Variants in AFF1 observed in about 807,000 individuals in gnomAD.
AFF1 encodes AF4/FMR2 family member 1.
In AFF1, 48 loss-of-function variants were observed where a neutral mutation model predicts 121.7. The ratio of observed to expected loss-of-function variants is 0.39; its 90% CI spans 0.31 to 0.50. The LOEUF (loss-of-function observed/expected upper bound fraction) is 0.50, where lower values mean the gene tolerates loss of function less well. AFF1 is among the 20% of genes least tolerant of loss of function. AFF1 has a pLI of 0.76. For synonymous variants in AFF1, 613 were observed against 563.0 expected, an observed-to-expected ratio of 1.09 and a Z score of -1.26; for missense variants, 1,523 against 1,511.7, an observed-to-expected ratio of 1.01 and a Z score of -0.12.
chr4:87,016,041 C>A (rs1053975946), intron 2 of AFF1, among the ~76,000 whole-genome samples: 1 of 152,072 alleles, frequency 6.6e-6, no homozygotes, highest in Non-Finnish European at 1.5e-5. Context: ...ATTAGCTGGG[C>A]GTAGTGGCAG....
At chr4:86,993,418 A>T (rs1246701721) in intron 2 of AFF1, among the ~76,000 whole-genome samples, 1 of 152,124 alleles carries the variant, frequency 6.6e-6, no homozygotes, top group Non-Finnish European at 1.5e-5. Flanking sequence ...CCTATCTTCC[A>T]GTTCTTAAAT....
At chr4:87,004,683 G>A (rs1725961029) in intron 2 of AFF1, among the ~76,000 whole-genome samples, 1 of 152,144 alleles carries the variant, frequency 6.6e-6, no homozygotes, top group African/African-American at 2.4e-5. Context: ...TACTCAAAAA[G>A]TTTTGGATTT....
intron 2 of AFF1, among the ~76,000 whole-genome samples, chr4:86,988,413 A>T (rs1011088662): frequency 2.4e-4 from 36 of 152,172 alleles, no homozygotes; most frequent in African/African-American, 8.4e-4. Context: ...TTGAGTAAAA[A>T]CATGCGATAT....
Position 87,114,821 on chromosome 4 carries a change from G to A in AFF1, c.1988G>A (p.Ser663Asn). The A allele has an allele frequency of 6.2e-7, 1 of 1,613,778 alleles. No homozygotes were observed. Among genetic ancestry groups the A allele is most frequent in the Non-Finnish European group, 8.5e-7 (1 of 1,179,864 alleles). The change falls in exon 12 of 21, where the codon AGC (serine) becomes AAC (asparagine). Residue 663 changes from serine to asparagine, a missense_variant. Ser to Asn is a conservative substitution (Grantham distance 46, BLOSUM62 1). Transcript: ENST00000395146. Reference sequence around the variant, plus strand: ...AAAGGACGGCCCCGGGCCGCAGCAAGCAACGAACCCAAGCCAGCAGTGCCC... The same window carrying A: ...AAAGGACGGCCCCGGGCCGCAGCAAACAACGAACCCAAGCCAGCAGTGCCC... Reference protein sequence around the residue: ...KTKGRPRAAASNEPKPAVPPS... With the variant: ...KTKGRPRAAANNEPKPAVPPS...
At chr4:86,977,763 C>G (rs922860609) in intron 2 of AFF1, among the ~76,000 whole-genome samples, 1 of 152,204 alleles carries the variant, frequency 6.6e-6, no homozygotes, top group Non-Finnish European at 1.5e-5. Flanking sequence ...ACATACTGGG[C>G]ACTCAATAAA....
chr4:86,957,117 G>A (rs974474273), intron 2 of AFF1, among the ~76,000 whole-genome samples: 1 of 152,152 alleles, frequency 6.6e-6, no homozygotes, highest in Non-Finnish European at 1.5e-5. Flanking sequence ...ACTAGTCCAG[G>A]CATTTGGCAT....
chr4:87,069,092 C>A (rs1560594631), intron 4 of AFF1, among the ~76,000 whole-genome samples: 1 of 152,026 alleles, frequency 6.6e-6, no homozygotes, highest in African/African-American at 2.4e-5. Context: ...CTTTTGCCCC[C>A]CTGTGTTAGG....
At chr4:86,998,131 G>C (rs988476595) in intron 2 of AFF1, among the ~76,000 whole-genome samples, 4 of 105,524 alleles carry the variant, frequency 3.8e-5, no homozygotes, top group South Asian at 3.0e-4. Flanking sequence ...AAAAAAACAA[G>C]AAAACTGCGT....
At position 86,996,974 on chromosome 4, in the gene AFF1, C is replaced by T. The variant is rs184874822; in HGVS notation, c.38+48403C>T. 9.5e-4 allele frequency among the ~76,000 whole-genome samples: 145 copies of T among 151,872 alleles called. 1 individual carries two copies. The highest frequency in any genetic ancestry group is 3.0e-3 in the African/African-American group (123 of 41,342). On this transcript the variant is annotated intron_variant, in intron 2 of 20. Coordinates refer to ENST00000395146, the MANE Select transcript of AFF1 (RefSeq NM_001166693.3). ...TTGCCCAGGCTGGAGTGCAGTGGCA[C>T]GATCTCAGCTCACTGCAACCTCTGC... is the stretch of plus-strand genomic sequence containing the variant.
At position 87,138,724 on chromosome 4, in the gene AFF1, A is replaced by G; in HGVS notation, c.*3023A>G. On this transcript the variant is annotated 3_prime_UTR_variant, in exon 21 of 21. Coordinates refer to ENST00000395146, the MANE Select transcript of AFF1 (RefSeq NM_001166693.3). Reference sequence around the variant, plus strand: ...TGAGGAGTGGGAGGGCCCAGCAAGCATTTATCAGAAATAGAATCACAATAG... The same window carrying G: ...TGAGGAGTGGGAGGGCCCAGCAAGCGTTTATCAGAAATAGAATCACAATAG... The G allele has an allele frequency of 4.3e-6, 1 of 231,244 alleles. No individual in the cohort carries two copies. Among genetic ancestry groups the G allele is most frequent in the Admixed American group, 5.6e-5 (1 of 17,740 alleles). 14.3% of individuals were successfully genotyped at this position (231,244 alleles called of 1,614,324 possible). A position where few individuals can be genotyped will look rare whatever the true frequency, so the allele number is the denominator to read the frequency against.
chr4:87,034,025 G>A (rs1729317915), intron 2 of AFF1, among the ~76,000 whole-genome samples: 1 of 152,142 alleles, frequency 6.6e-6, no homozygotes, highest in Admixed American at 6.5e-5. Flanking sequence ...AGATGATGAC[G>A]GAACAGATGA....
intron 2 of AFF1, among the ~76,000 whole-genome samples, chr4:86,991,903 T>C (rs892083745): frequency 6.6e-6 from 1 of 151,968 alleles, no homozygotes; most frequent in African/African-American, 2.4e-5. Flanking sequence ...GTCCTATTTA[T>C]TGAATTTTCT....
At chr4:86,991,670 C>T (rs578044212) in intron 2 of AFF1, among the ~76,000 whole-genome samples, 5 of 150,468 alleles carry the variant, frequency 3.3e-5, no homozygotes, top group South Asian at 2.1e-4. Flanking sequence ...CTTTTTACTA[C>T]GTTTTTTTTT....
intron 2 of AFF1, among the ~76,000 whole-genome samples, chr4:87,019,047 T>C (rs1186750345): frequency 2.0e-5 from 3 of 152,202 alleles, no homozygotes; most frequent in Non-Finnish European, 2.9e-5. Context: ...AGGACTGTTA[T>C]GGGAAGTGGG....
Position 87,115,107 on chromosome 4 carries a change from G to A in AFF1, c.2274G>A (p.Pro758=), listed in dbSNP as rs770470857. Residue 758 remains proline, a synonymous_variant, in exon 12 of 21, where the codon CCG becomes CCA. Coordinates refer to ENST00000395146, the MANE Select transcript of AFF1 (RefSeq NM_001166693.3). ...TGAGAGACACCAAGCTGCTCTCACCGCTCAGGGACACTCCTCCCCCACAAA... is the reference window on the plus strand; with the variant it reads ...TGAGAGACACCAAGCTGCTCTCACCACTCAGGGACACTCCTCCCCCACAAA... ...LPLRDTKLLS[P]LRDTPPPQSL... The A allele has an allele frequency of 8.7e-6, 14 of 1,613,942 alleles. No individual in the cohort carries two copies. The East Asian group carries it at 1.6e-4, about 18-fold the overall frequency.
At chr4:86,963,497 T>G (rs1465392873) in intron 2 of AFF1, among the ~76,000 whole-genome samples, 6 of 152,212 alleles carry the variant, frequency 3.9e-5, no homozygotes, top group Non-Finnish European at 8.8e-5. Context: ...GCGTTCAGGT[T>G]ACTATGTGTA....
At chr4:87,022,206 C>CAAAAAA (rs11296179) in intron 2 of AFF1, among the ~76,000 whole-genome samples, 5 of 76,058 alleles carry the variant, frequency 6.6e-5, no homozygotes, top group African/African-American at 1.1e-4. Context: ...GACTCCATCT[C>CAAAAAA]AAAAAAAAAA....
chr4:87,134,784 G>A, intron 20 of AFF1, 90 bp downstream of exon 20: 1 of 1,113,148 alleles, frequency 9.0e-7, no homozygotes, highest in Non-Finnish European at 1.3e-6. Context: ...TCAGTTTCTT[G>A]GAGAAAAGGG....
At chr4:87,056,733 T>C (rs1449251633) in intron 4 of AFF1, among the ~76,000 whole-genome samples, 2 of 152,230 alleles carry the variant, frequency 1.3e-5, no homozygotes, top group Non-Finnish European at 2.9e-5. Flanking sequence ...GCACAGTAAA[T>C]TTATTATGAC....
Sources: allele counts gnomAD v4.1 joint callset (sites outside exome capture counted in the v4.1 genomes callset), GRCh38; gene constraint gnomAD v4.1.1; transcripts MANE v1.5; gene names NCBI Gene and HGNC (gene_info 2026-07-23, HGNC 2026-07-21).